The following VCAN variants were observed in gnomAD, a reference collection of about 807,000 sequenced individuals.
VCAN encodes the protein versican, also known as versican core protein.
Under a neutral mutation model 245.5 loss-of-function variants are expected in VCAN, and 44 were observed. The observed-to-expected ratio is 0.18, with a 90% CI of 0.14 to 0.23. VCAN has a LOEUF of 0.23. VCAN is among the 10% of genes least tolerant of loss of function. The pLI, the probability that VCAN is intolerant of heterozygous loss-of-function variation, is 1.00. For missense variants in VCAN, 3,793 were observed against 4,057.9 expected (o/e 0.93, Z 1.77); for synonymous variants, 1,413 against 1,437.0 (o/e 0.98, Z 0.38).
rs865857824 is a variant in VCAN at position 83,567,408 on chromosome 5, T to C, written c.9736-5008T>C. On this transcript the variant is annotated intron_variant, in intron 12 of 14. Transcript: ENST00000265077. ...CTCCACCTCCCAGGTTCAAGTGATT[T>C]TCCTGCCTCAGCCTCCCGAGTAGCT... Among the ~76,000 whole-genome samples, 4 of 151,926 alleles carry C rather than the reference T, an allele frequency of 2.6e-5. 1 individual carries two copies. Among genetic ancestry groups the C allele is most frequent in the South Asian group, 4.2e-4 (2 of 4,804 alleles).
chr5:83,500,472 G>A (rs1050383957), intron 5 of VCAN, among the ~76,000 whole-genome samples: 1 of 152,190 alleles, frequency 6.6e-6, no homozygotes, highest in African/African-American at 2.4e-5. Flanking sequence ...ACTCCAGTAA[G>A]ATTGAGTGTG....
intron 8 of VCAN, among the ~76,000 whole-genome samples, chr5:83,542,530 GA>G (rs1325475954): frequency 6.6e-6 from 1 of 152,098 alleles, no homozygotes; most frequent in Non-Finnish European, 1.5e-5. Context: ...TGGAAAAGAT[GA>G]AATTATTAAT....
chr5:83,495,479 A>G (rs1366168324), intron 5 of VCAN, among the ~76,000 whole-genome samples: 8 of 152,226 alleles, frequency 5.3e-5, no homozygotes, highest in Admixed American at 5.2e-4. Flanking sequence ...AAAAGGGAAA[A>G]CATAACATCC....
chr5:83,543,101 C>G (rs186096037), intron 8 of VCAN, among the ~76,000 whole-genome samples: 6 of 152,292 alleles, frequency 3.9e-5, no homozygotes, highest in Admixed American at 3.9e-4. Context: ...AGTCCATAGT[C>G]TTTTCACTGC....
rs148602361 is a variant in VCAN, at chr5:83,557,133, A to G, written c.9735+2095A>G. On this transcript the variant is annotated intron_variant, in intron 12 of 14. Coordinates refer to ENST00000265077, the MANE Select transcript of VCAN (RefSeq NM_004385.5). ...GTACCTGTTGTCTGGGTTCCTGTAGATTCCAGCCCTGAGCCTAGAATAGCT... is the reference window on the plus strand; with the variant it reads ...GTACCTGTTGTCTGGGTTCCTGTAGGTTCCAGCCCTGAGCCTAGAATAGCT... Among the ~76,000 whole-genome samples, 16 of 152,228 alleles carry G rather than the reference A, an allele frequency of 1.1e-4. No individual in the cohort carries two copies. In the East Asian group the frequency reaches 3.1e-3, roughly 29 times the overall value.
At chr5:83,568,628 A>G (rs1748171669) in intron 12 of VCAN, among the ~76,000 whole-genome samples, 1 of 152,150 alleles carries the variant, frequency 6.6e-6, no homozygotes, top group Non-Finnish European at 1.5e-5. Context: ...TAGGGCAGTC[A>G]AGTGACTTTA....
intron 12 of VCAN, 85 bp downstream of exon 12, chr5:83,555,123 T>G: frequency 7.2e-7 from 1 of 1,398,200 alleles, no homozygotes; most frequent in Non-Finnish European, 1.0e-6. Context: ...GAGGGTGCAT[T>G]AGACTGGAGG....
intron 7 of VCAN, 55 bp from the exon 8 acceptor site, chr5:83,536,952 G>A: frequency 6.7e-7 from 1 of 1,497,156 alleles, no homozygotes; most frequent in Non-Finnish European, 9.0e-7. Context: ...AATTTCTTCT[G>A]TCATACACTG....
In VCAN at chr5:83,541,499, C is replaced by T. The variant is rs1463096424; in HGVS notation, c.8496C>T (p.Tyr2832=). The change falls in exon 8 of 15, where the codon TAC becomes TAT. Residue 2832 remains tyrosine (Y), a synonymous_variant. Transcript: ENST00000265077. The stretch of plus-strand genomic sequence containing the variant: ...CACCATCATCTCCCCTCACTATCTA[C>T]TCAGGCAGTGAAGCCTCTGGACACA... ...SQTPSSPLTI[Y]SGSEASGHTE... 6.2e-7 allele frequency: 1 copy of T among 1,614,028 alleles called. No individual in the cohort carries two copies. Among genetic ancestry groups the T allele is most frequent in the Admixed American group, 1.7e-5 (1 of 60,002 alleles).
chr5:83,535,595 C>T (rs1260083884), intron 7 of VCAN: 1 of 152,030 alleles, frequency 6.6e-6, no homozygotes, highest in African/African-American at 2.4e-5. Flanking sequence ...GATTCCTCTT[C>T]AATAGGGTTT....
At chr5:83,509,209 T>C (rs1745576608) in intron 5 of VCAN, among the ~76,000 whole-genome samples, 1 of 152,246 alleles carries the variant, frequency 6.6e-6, no homozygotes, top group African/African-American at 2.4e-5. Context: ...GAATATCGTA[T>C]ACTTCAAACA....
chr5:83,563,454 G>A (rs1432321883), intron 12 of VCAN, among the ~76,000 whole-genome samples: 1 of 152,166 alleles, frequency 6.6e-6, no homozygotes, highest in Non-Finnish European at 1.5e-5. Context: ...TTTGATTTCT[G>A]TAATAAGTAG....
chr5:83,489,797 C>A (rs1442029334), intron 2 of VCAN, among the ~76,000 whole-genome samples: 1 of 136,474 alleles, frequency 7.3e-6, no homozygotes, highest in Non-Finnish European at 1.5e-5. Context: ...AATTGCTTGA[C>A]CTCTTATGCT....
chr5:83,478,684 G>GA (rs1744482488), intron 1 of VCAN, among the ~76,000 whole-genome samples: 1 of 152,150 alleles, frequency 6.6e-6, no homozygotes, highest in Non-Finnish European at 1.5e-5. Context: ...TATTCTAAGT[G>GA]AAAAAATTGA....
intron 2 of VCAN, among the ~76,000 whole-genome samples, chr5:83,489,499 G>C (rs1744898511): frequency 1.3e-5 from 2 of 152,200 alleles, no homozygotes; most frequent in African/African-American, 4.8e-5. Context: ...AGTGATGGTA[G>C]CTGGATTTGT....
chr5:83,564,420 A>G (rs1282905362), intron 12 of VCAN, among the ~76,000 whole-genome samples: 1 of 152,190 alleles, frequency 6.6e-6, no homozygotes, highest in Non-Finnish European at 1.5e-5. Context: ...GTAGTTTTGA[A>G]TAGTTTCTTA....
Position 83,579,916 on chromosome 5 carries a change from AAG to A in VCAN, c.9881-60_9881-59del. The A allele has an allele frequency of 3.9e-6, 6 of 1,541,422 alleles. No homozygotes were observed. In the East Asian group the frequency reaches 1.3e-4, roughly 35 times the overall value. ...GTACCATAAAGAAAGAGAGAAAAAT[AAG>A]AGACTCATATTAGTTGAAATACTTA... On this transcript the variant is annotated intron_variant, in intron 13 of 14. Transcript: ENST00000265077.
chr5:83,570,331 A>C (rs183286732), intron 12 of VCAN, among the ~76,000 whole-genome samples: 160 of 152,164 alleles, frequency 1.1e-3, no homozygotes, highest in African/African-American at 3.8e-3. Context: ...TCACTCTTCA[A>C]ACAGTCTTTT....
At chr5:83,483,640 C>CA in intron 2 of VCAN, 52 bp downstream of exon 2, 1 of 1,523,886 alleles carries the variant, frequency 6.6e-7, no homozygotes, top group Non-Finnish European at 9.1e-7. Context: ...AATGTAAGTG[C>CA]TGGAGGATGA....
Sources: allele counts gnomAD v4.1 joint callset (sites outside exome capture counted in the v4.1 genomes callset), GRCh38; gene constraint gnomAD v4.1.1; transcripts MANE v1.5; gene names NCBI Gene and HGNC (gene_info 2026-07-23, HGNC 2026-07-21).